GPC5: variants seen among roughly 807,000 people sequenced by gnomAD.
GPC5 encodes glypican 5, also known as glypican-5.
In GPC5, 47 loss-of-function variants were observed where a neutral mutation model predicts 53.9. That is an observed-to-expected ratio of 0.87 (90% CI 0.69 to 1.11). GPC5 has a LOEUF of 1.11. GPC5 is among the 50% of genes most tolerant of loss of function. GPC5 has a pLI of 0.00. For missense variants in GPC5, 748 were observed against 713.1 expected, an observed-to-expected ratio of 1.05 and a Z score of -0.56; for synonymous variants, 286 against 263.3, an observed-to-expected ratio of 1.09 and a Z score of -0.84.
Position 91,843,967 on chromosome 13 carries a change from G to C in GPC5, c.1281-63970G>C, listed in dbSNP as rs115991918. On this transcript the variant is annotated intron_variant, in intron 5 of 7. Transcript: ENST00000377067. ...ATGCCTTTAATAGATAAAGAACACA[G>C]GATGAGGATTGGGTCTGTGAACAAA... is the stretch of plus-strand genomic sequence containing the variant. 6.6e-3 allele frequency among the ~76,000 whole-genome samples: 1,005 copies of C among 152,264 alleles called. 11 individuals are homozygous for C. The highest frequency in any genetic ancestry group is 0.023 in the African/African-American group (941 of 41,552).
At chr13:91,716,703 A>G (rs412598) in intron 3 of GPC5, among the ~76,000 whole-genome samples, 5,998 of 152,290 alleles carry the variant, frequency 0.039, 161 homozygotes, top group Middle Eastern at 0.12. Flanking sequence ...ATGACACATG[A>G]ATGTGCGTGG....
chr13:91,991,874 C>T (rs2040459994), intron 6 of GPC5, among the ~76,000 whole-genome samples: 1 of 151,924 alleles, frequency 6.6e-6, no homozygotes, highest in Non-Finnish European at 1.5e-5. Flanking sequence ...TTTTTATAAA[C>T]ATTAGTGTGT....
At chr13:91,898,822 G>C (rs982963733) in intron 5 of GPC5, among the ~76,000 whole-genome samples, 2 of 151,964 alleles carry the variant, frequency 1.3e-5, no homozygotes, top group African/African-American at 4.8e-5. Context: ...GATAAAATAA[G>C]AGAACTGATT....
chr13:91,727,884 A>T (rs992977148), intron 3 of GPC5, among the ~76,000 whole-genome samples: 1 of 152,172 alleles, frequency 6.6e-6, no homozygotes, highest in Non-Finnish European at 1.5e-5. Flanking sequence ...TTCAATGATA[A>T]TTATGTAAAT....
intron 6 of GPC5, among the ~76,000 whole-genome samples, chr13:91,918,704 G>A (rs1043360374): frequency 4.6e-5 from 7 of 151,452 alleles, no homozygotes; most frequent in African/African-American, 1.7e-4. Context: ...TTATCTCACT[G>A]GCTTGTTTAA....
At chr13:91,539,319 G>C (rs1285375870) in intron 2 of GPC5, among the ~76,000 whole-genome samples, 2 of 152,042 alleles carry the variant, frequency 1.3e-5, no homozygotes, top group Non-Finnish European at 1.5e-5. Flanking sequence ...GAAATTATTG[G>C]ATCACATGAT....
At chr13:92,044,336 A>C (rs2040964946) in intron 6 of GPC5, among the ~76,000 whole-genome samples, 1 of 152,202 alleles carries the variant, frequency 6.6e-6, no homozygotes, top group South Asian at 2.1e-4. Flanking sequence ...ATAAGGCCCT[A>C]AGCTGAGCTT....
chr13:92,578,681 A>T (rs574424759), intron 7 of GPC5, among the ~76,000 whole-genome samples: 2 of 152,184 alleles, frequency 1.3e-5, no homozygotes, highest in African/African-American at 4.8e-5. Context: ...GTAAGGGCAG[A>T]TCATCTTCAC....
chr13:92,515,168 CATAAT>C (rs1009449745), intron 7 of GPC5, among the ~76,000 whole-genome samples: 2 of 152,116 alleles, frequency 1.3e-5, no homozygotes, highest in African/African-American at 4.8e-5. Flanking sequence ...CACTAAAACT[CATAAT>C]ATATATTGAG....
At chr13:92,493,811 T>G (rs1879857091) in intron 7 of GPC5, among the ~76,000 whole-genome samples, 1 of 152,184 alleles carries the variant, frequency 6.6e-6, no homozygotes, top group Non-Finnish European at 1.5e-5. Context: ...GTCTGAAACT[T>G]GATACCCTCA....
intron 3 of GPC5, among the ~76,000 whole-genome samples, chr13:91,724,098 CA>C (rs1408871408): frequency 6.6e-6 from 1 of 152,154 alleles, no homozygotes; most frequent in Non-Finnish European, 1.5e-5. Context: ...AAAATAAACT[CA>C]AATTTGTTGT....
intron 7 of GPC5, among the ~76,000 whole-genome samples, chr13:92,863,089 C>T (rs1405837731): frequency 6.6e-6 from 1 of 152,124 alleles, no homozygotes; most frequent in African/African-American, 2.4e-5. Context: ...CTCAGCCATT[C>T]CAGATGACAA....
At chr13:91,722,803 AC>A (rs1473333403) in intron 3 of GPC5, among the ~76,000 whole-genome samples, 2 of 152,048 alleles carry the variant, frequency 1.3e-5, no homozygotes, top group African/African-American at 2.4e-5. Flanking sequence ...GCATAAACAT[AC>A]CTCTAATTCT....
At position 92,693,354 on chromosome 13, in the gene GPC5, T is replaced by G. The variant is rs531426853; in HGVS notation, c.1562-172928T>G. 2.6e-5 allele frequency among the ~76,000 whole-genome samples: 4 copies of G among 152,178 alleles called. No individual in the cohort carries two copies. The South Asian group carries it at 8.3e-4, about 32-fold the overall frequency. On this transcript the variant is annotated intron_variant, in intron 7 of 7. Coordinates refer to ENST00000377067, the MANE Select transcript of GPC5 (RefSeq NM_004466.6). ...GAAGGCTCATAATAAGATAGGAGGATGTGGGAAAATTTCGAACTTCCTAGA... is the reference window on the plus strand; with the variant it reads ...GAAGGCTCATAATAAGATAGGAGGAGGTGGGAAAATTTCGAACTTCCTAGA...
At chr13:92,498,235 G>A (rs1277695300) in intron 7 of GPC5, among the ~76,000 whole-genome samples, 1 of 151,968 alleles carries the variant, frequency 6.6e-6, no homozygotes, top group Non-Finnish European at 1.5e-5. Context: ...TGTTTCTGGG[G>A]TCTTGTGTTA....
intron 7 of GPC5, among the ~76,000 whole-genome samples, chr13:92,224,484 C>G (rs932352767): frequency 1.3e-5 from 2 of 152,232 alleles, no homozygotes; most frequent in Admixed American, 6.5e-5. Flanking sequence ...AGAAACAGGC[C>G]TGCCTGCAAG....
chr13:91,527,734 A>G (rs554090317), intron 2 of GPC5, among the ~76,000 whole-genome samples: 2 of 152,340 alleles, frequency 1.3e-5, no homozygotes, highest in African/African-American at 2.4e-5. Context: ...ACATCCAGGC[A>G]TTTCCATACA....
intron 7 of GPC5, among the ~76,000 whole-genome samples, chr13:92,542,553 C>T (rs1881965660): frequency 6.6e-6 from 1 of 151,906 alleles, no homozygotes; most frequent in African/African-American, 2.4e-5. Flanking sequence ...TTGTTTTTCT[C>T]GTTTGTGTAT....
intron 7 of GPC5, among the ~76,000 whole-genome samples, chr13:92,651,943 T>C (rs1485851949): frequency 1.3e-5 from 2 of 149,968 alleles, no homozygotes; most frequent in African/African-American, 4.9e-5. Flanking sequence ...CAAGGATACA[T>C]TATGTAAAAA....
Sources: gnomAD v4.1 joint callset for allele counts (sites outside exome capture counted in the v4.1 genomes callset) on GRCh38, gnomAD v4.1.1 for gene constraint, MANE v1.5 for transcripts, NCBI Gene and HGNC (gene_info 2026-07-23, HGNC 2026-07-21) for gene names.